Variants in CCNT1 observed in about 807,000 individuals in gnomAD.
CCNT1 encodes cyclin-T1.
Under a neutral mutation model 67.3 loss-of-function variants are expected in CCNT1, and 18 were observed. The observed-to-expected ratio is 0.27, with a 90% CI of 0.18 to 0.40. The LOEUF (loss-of-function observed/expected upper bound fraction) is 0.40, where lower values mean the gene tolerates loss of function less well. CCNT1 is among the 10% of genes least tolerant of loss of function. CCNT1 has a pLI of 1.00. For missense variants in CCNT1, 744 were observed against 884.9 expected (o/e 0.84, Z 2.02); for synonymous variants, 333 against 310.3 (o/e 1.07, Z -0.77).
At position 48,698,188 on chromosome 12, in the gene CCNT1, A is replaced by AC. The variant is rs1940208799; in HGVS notation, c.497-6_497-5insG. 15 of 1,330,122 alleles carry AC rather than the reference A, an allele frequency of 1.1e-5. No homozygotes were observed. The highest frequency in any genetic ancestry group is 1.3e-5 in the South Asian group (1 of 75,340). 82.4% of individuals were successfully genotyped at this position (1,330,122 alleles called of 1,614,324 possible). ...TCTGTGCTAAGTCCTTGCTTGCTAA[A>AC]GAAAAAAAAAAAAAGTCAGGGGTGG... On this transcript the variant is annotated splice_polypyrimidine_tract_variant and splice_region_variant and intron_variant, in intron 5 of 8. Transcript: ENST00000261900.
chr12:48,705,302 GTTT>G (rs768583402), intron 3 of CCNT1, among the ~76,000 whole-genome samples: 84 of 150,926 alleles, frequency 5.6e-4, no homozygotes, highest in African/African-American at 1.9e-3. Flanking sequence ...TGTTGTTGTT[GTTT>G]TTCTTTTTTT....
intron 2 of CCNT1, among the ~76,000 whole-genome samples, chr12:48,706,516 ATTAT>A (rs1940362944): frequency 6.6e-6 from 1 of 152,248 alleles, no homozygotes; most frequent in African/African-American, 2.4e-5. Flanking sequence ...TATGCAAGAC[ATTAT>A]TTATAGAAAG....
Position 48,708,245 on chromosome 12 carries a change from AT to A in CCNT1, c.244-2350del, listed in dbSNP as rs1243009789. On this transcript the variant is annotated intron_variant, in intron 2 of 8. Coordinates refer to ENST00000261900, the MANE Select transcript of CCNT1 (RefSeq NM_001240.4). ...ATTATTTTAAAATATAGAAAAAAGA[AT>A]TTTAAAAAGTTTAGAGTAGGCCGGG... is the stretch of plus-strand genomic sequence containing the variant. 7.9e-5 allele frequency among the ~76,000 whole-genome samples: 12 copies of A among 151,798 alleles called. No homozygotes were observed. The East Asian group carries it at 2.3e-3, about 30-fold the overall frequency.
rs139927295 is a variant in CCNT1 at position 48,693,484 on chromosome 12, G to C, written c.1730C>G (p.Ser577Cys). Reference sequence around the variant, plus strand: ...AAACACAGCCCCTCCAGTCTCTTCAGAGGGTCCCCTTTTACGAGTAGAACT... The same window carrying C: ...AAACACAGCCCCTCCAGTCTCTTCACAGGGTCCCCTTTTACGAGTAGAACT... ...SSSSTRKRGP[S>C]EETGGAVFDH... Residue 577 changes from serine to cysteine, a missense_variant, in exon 9 of 9, where the codon TCT (serine) becomes TGT (cysteine). By Grantham distance (112) the Ser-to-Cys change is moderately radical. Around this residue, in one of 3 missense-constraint regions of CCNT1, gnomAD observed 564 missense variants for 574.2 expected, o/e 0.98. Transcript: ENST00000261900. 1.2e-6 allele frequency: 2 copies of C among 1,614,208 alleles called. No homozygotes were observed. Among genetic ancestry groups the C allele is most frequent in the Non-Finnish European group, 8.5e-7 (1 of 1,180,046 alleles).
intron 4 of CCNT1, 109 bp downstream of exon 4, chr12:48,700,904 A>G: frequency 1.6e-6 from 1 of 618,800 alleles, no homozygotes; most frequent in Non-Finnish European, 2.8e-6. Context: ...AAACAGAGGG[A>G]CACTACAAAA....
At chr12:48,709,633 G>A (rs1034903758) in intron 2 of CCNT1, among the ~76,000 whole-genome samples, 3 of 152,138 alleles carry the variant, frequency 2.0e-5, no homozygotes, top group Non-Finnish European at 4.4e-5. Flanking sequence ...ATAAAGGGAA[G>A]TATGGAAAGA....
In CCNT1 at chr12:48,695,782, G is replaced by A; in HGVS notation, c.754C>T (p.Leu252Phe). Residue 252 changes from leucine (L) to phenylalanine (F), a missense_variant, in exon 8 of 9, where the codon CTC (leucine) becomes TTC (phenylalanine). Transcript: ENST00000261900. ...ACCCTCCAATTCCAAATGCGTTTGAGCCTGTTGGGAGTTTTCTCCAAAATC... is the reference window on the plus strand; with the variant it reads ...ACCCTCCAATTCCAAATGCGTTTGAACCTGTTGGGAGTTTTCTCCAAAATC... Reference protein sequence around the residue: ...LQILEKTPNRLKRIWNWRACE... With the variant: ...LQILEKTPNRFKRIWNWRACE... 6.2e-7 allele frequency: 1 copy of A among 1,612,222 alleles called. No individual in the cohort carries two copies. Among genetic ancestry groups the A allele is most frequent in the Non-Finnish European group, 8.5e-7 (1 of 1,178,284 alleles).
intron 6 of CCNT1, among the ~76,000 whole-genome samples, chr12:48,697,054 G>A (rs1365852065): frequency 1.3e-5 from 2 of 151,908 alleles, no homozygotes; most frequent in African/African-American, 2.4e-5. Context: ...GGTTGGTCTC[G>A]AACTCCTAGC....
chr12:48,691,623 TA>T lies in CCNT1; in HGVS notation c.*1409del, dbSNP rs1309841219. 1 of 152,186 alleles carries T rather than the reference TA, an allele frequency of 6.6e-6. No individual in the cohort carries two copies. Among genetic ancestry groups the T allele is most frequent in the Non-Finnish European group, 1.5e-5 (1 of 68,028 alleles). 9.4% of individuals were successfully genotyped at this position (152,186 alleles called of 1,614,324 possible). On this transcript the variant is annotated 3_prime_UTR_variant, in exon 9 of 9. Transcript: ENST00000261900. ...AACAACAGGACTCTTGACCTATTTT[TA>T]TAAAGGACTTAGAAATCTTAAGAAC...
rs1940130014 is a variant in CCNT1, at chr12:48,694,070, C to A, written c.1144G>T (p.Val382Leu). 1 of 1,614,118 alleles carries A rather than the reference C, an allele frequency of 6.2e-7. No homozygotes were observed. The highest frequency in any genetic ancestry group is 1.1e-5 in the South Asian group (1 of 91,088). The part of the protein sequence containing the change: ...FISQKQNSKS[V>L]PSAKVSLKEY... ...TTCAGTGACACTTTAGCTGATGGCA[C>A]ACTCTTACTATTCTGCTTCTGGGAA... Residue 382 changes from valine (V) to leucine (L), a missense_variant, in exon 9 of 9, where the codon GTG becomes TTG. Around this residue, in one of 3 missense-constraint regions of CCNT1, gnomAD observed 564 missense variants for 574.2 expected, o/e 0.98. Coordinates refer to ENST00000261900, the MANE Select transcript of CCNT1 (RefSeq NM_001240.4).
intron 6 of CCNT1, among the ~76,000 whole-genome samples, chr12:48,696,493 G>A (rs1017191222): frequency 4.6e-5 from 7 of 151,412 alleles, no homozygotes; most frequent in Non-Finnish European, 1.0e-4. Flanking sequence ...TTCTGGGCCA[G>A]TATTCAAGCC....
chr12:48,693,265 T>C lies in CCNT1; in HGVS notation c.1949A>G (p.Asn650Ser), dbSNP rs754521934. ...DKGPTGANGH[N>S]TTQTIDYQDT... ...TTGATAGTCTATTGTCTGGGTCGTG[T>C]TGTGACCATTGGCCCCAGTGGGCCC... The change falls in exon 9 of 9, where the codon AAC (asparagine) becomes AGC (serine). Residue 650 changes from asparagine (N) to serine (S), a missense_variant. Physicochemically the swap from Asn to Ser is conservative, Grantham distance 46. Around this residue, in one of 3 missense-constraint regions of CCNT1, gnomAD observed 564 missense variants for 574.2 expected, o/e 0.98. Coordinates refer to ENST00000261900, the MANE Select transcript of CCNT1 (RefSeq NM_001240.4). The C allele has an allele frequency of 5.6e-6, 9 of 1,614,232 alleles. No homozygotes were observed. The highest frequency in any genetic ancestry group is 5.1e-6 in the Non-Finnish European group (6 of 1,180,028).
At chr12:48,705,281 TTTGTTG>T (rs60219074) in intron 3 of CCNT1, among the ~76,000 whole-genome samples, 3,316 of 150,938 alleles carry the variant, frequency 0.022, 70 homozygotes, top group Non-Finnish European at 0.027. Context: ...CCAGTTGTTT[TTTGTTG>T]TTGTTGTTGT....
At chr12:48,714,024 C>T (rs1002311953) in intron 2 of CCNT1, among the ~76,000 whole-genome samples, 2 of 152,118 alleles carry the variant, frequency 1.3e-5, no homozygotes, top group Non-Finnish European at 2.9e-5. Flanking sequence ...GCTGGAGTAG[C>T]TGAGACCACA....
intron 2 of CCNT1, among the ~76,000 whole-genome samples, chr12:48,710,357 G>GT (rs1056901161): frequency 2.6e-5 from 4 of 152,154 alleles, no homozygotes; most frequent in Admixed American, 2.0e-4. Flanking sequence ...CTTAGAATTA[G>GT]TATGTTAAAA....
rs931839529 is a variant in CCNT1 at position 48,691,180 on chromosome 12, C to G, written c.*1853G>C. The G allele has an allele frequency of 6.6e-6, 1 of 152,188 alleles. No individual in the cohort carries two copies. The highest frequency in any genetic ancestry group is 1.5e-5 in the Non-Finnish European group (1 of 68,034). 9.4% of individuals were successfully genotyped at this position (152,188 alleles called of 1,614,324 possible). On this transcript the variant is annotated 3_prime_UTR_variant, in exon 9 of 9. Transcript: ENST00000261900. ...CAGTTCAAATATGCAAGATGCAGGG[C>G]ACTAACCCACCGTCAGTTAACGTTT... is the stretch of plus-strand genomic sequence containing the variant.
rs1227431730 is a variant in CCNT1 at position 48,688,592 on chromosome 12, A to C, written c.*4441T>G. The C allele has an allele frequency of 6.6e-6, 1 of 152,160 alleles. No homozygotes were observed. The highest frequency in any genetic ancestry group is 1.5e-5 in the Non-Finnish European group (1 of 68,020). 9.4% of individuals were successfully genotyped at this position (152,160 alleles called of 1,614,324 possible). On this transcript the variant is annotated 3_prime_UTR_variant, in exon 9 of 9. Transcript: ENST00000261900. ...CTTTTTAAATTTTTTGAATTTTTTTACAAAGAGCCCTTACTATAATGGTCA... is the reference window on the plus strand; with the variant it reads ...CTTTTTAAATTTTTTGAATTTTTTTCCAAAGAGCCCTTACTATAATGGTCA...
intron 1 of CCNT1, among the ~76,000 whole-genome samples, chr12:48,715,563 C>A (rs1022380296): frequency 6.6e-6 from 1 of 151,868 alleles, no homozygotes; most frequent in African/African-American, 2.4e-5. Context: ...CGGGTTCAAG[C>A]GATTTTCCTG....
chr12:48,698,050 A>G (rs1222399371), intron 6 of CCNT1, 88 bp downstream of exon 6: 2 of 729,648 alleles, frequency 2.7e-6, no homozygotes, highest in Non-Finnish European at 2.2e-6. Flanking sequence ...ATCAACATTC[A>G]CCAGAGAATT....
Sources: allele counts gnomAD v4.1 joint callset (sites outside exome capture counted in the v4.1 genomes callset), GRCh38; gene constraint gnomAD v4.1.1; regional missense constraint gnomAD v4.1.1; transcripts MANE v1.5; gene names NCBI Gene and HGNC (gene_info 2026-07-23, HGNC 2026-07-21).